The following AP3B1 variants were observed in gnomAD, a reference collection of about 807,000 sequenced individuals.
The protein encoded by AP3B1 is AP-3 complex subunit beta-1.
AP3B1 carries 61 observed loss-of-function variants against 132.5 expected under a neutral mutation model. The observed-to-expected ratio is 0.46, with a 90% CI of 0.37 to 0.57. The LOEUF (loss-of-function observed/expected upper bound fraction) is 0.57. Among genes scored for constraint, AP3B1 ranks in the 20% least tolerant of loss-of-function variants. The pLI, the probability that AP3B1 is intolerant of heterozygous loss-of-function variation, is 0.00. For synonymous variants in AP3B1, 388 were observed against 438.3 expected (o/e 0.89, Z 1.43); for missense variants, 1,120 against 1,289.4 (o/e 0.87, Z 2.01).
chr5:78,081,593 G>A (rs925938620), intron 22 of AP3B1, among the ~76,000 whole-genome samples: 2 of 151,852 alleles, frequency 1.3e-5, no homozygotes, highest in Non-Finnish European at 2.9e-5. Context: ...CACCGCACCC[G>A]GCATACTTCA....
chr5:78,293,391 C>T (rs182230023), intron 1 of AP3B1, among the ~76,000 whole-genome samples: 16 of 152,252 alleles, frequency 1.1e-4, no homozygotes, highest in African/African-American at 3.4e-4. Context: ...TACTTTTAAA[C>T]TTTTCTAACC....
intron 14 of AP3B1, among the ~76,000 whole-genome samples, chr5:78,153,591 G>T (rs768173588): frequency 2.0e-5 from 3 of 151,954 alleles, no homozygotes; most frequent in Non-Finnish European, 4.4e-5. Context: ...CTGCCATTTT[G>T]TTATTTGTTT....
At chr5:78,276,781 A>G (rs1748794735) in intron 1 of AP3B1, among the ~76,000 whole-genome samples, 1 of 152,030 alleles carries the variant, frequency 6.6e-6, no homozygotes, top group African/African-American at 2.4e-5. Flanking sequence ...AGGTAGGAGG[A>G]CCACTTGAGT....
chr5:78,002,336 A>G lies in AP3B1; in HGVS notation c.*566T>C. On this transcript the variant is annotated 3_prime_UTR_variant, in exon 27 of 27. Coordinates refer to ENST00000255194, the MANE Select transcript of AP3B1 (RefSeq NM_003664.5). ...AAATGCAAAGACAAATATGATTCATATGCTAGTTTATTTATCTTATTATTG... is the reference window on the plus strand; with the variant it reads ...AAATGCAAAGACAAATATGATTCATGTGCTAGTTTATTTATCTTATTATTG... 1 of 342,566 alleles carries G rather than the reference A, an allele frequency of 2.9e-6. No homozygotes were observed. The highest frequency in any genetic ancestry group is 5.2e-6 in the Non-Finnish European group (1 of 191,852). 21.2% of individuals were successfully genotyped at this position (342,566 alleles called of 1,614,324 possible).
chr5:78,236,420 G>C (rs1746882208), intron 3 of AP3B1, among the ~76,000 whole-genome samples: 1 of 152,172 alleles, frequency 6.6e-6, no homozygotes, highest in South Asian at 2.1e-4. Flanking sequence ...TTGATAAGGA[G>C]TCAAAAATAT....
intron 2 of AP3B1, among the ~76,000 whole-genome samples, chr5:78,265,972 CAA>C (rs1456003183): frequency 6.6e-6 from 1 of 152,118 alleles, no homozygotes; most frequent in Non-Finnish European, 1.5e-5. Context: ...TACTGGGAGA[CAA>C]AGAGGCAACA....
intron 26 of AP3B1, among the ~76,000 whole-genome samples, chr5:78,014,883 G>T (rs1746794299): frequency 6.6e-6 from 1 of 152,170 alleles, no homozygotes; most frequent in Non-Finnish European, 1.5e-5. Flanking sequence ...TATTTCAGAT[G>T]CTTGGTGATA....
At chr5:78,210,801 T>A (rs1285350162) in intron 7 of AP3B1, among the ~76,000 whole-genome samples, 1 of 152,176 alleles carries the variant, frequency 6.6e-6, no homozygotes, top group Non-Finnish European at 1.5e-5. Flanking sequence ...TTATTTTAAA[T>A]CACTCTTAAA....
chr5:78,276,072 A>ATT (rs70997979), intron 1 of AP3B1, among the ~76,000 whole-genome samples: 20 of 148,978 alleles, frequency 1.3e-4, no homozygotes, highest in South Asian at 2.1e-4. Context: ...CATAATGGTA[A>ATT]TTTTTTTTTT....
intron 6 of AP3B1, among the ~76,000 whole-genome samples, chr5:78,220,738 G>C (rs1746142579): frequency 6.6e-6 from 1 of 151,600 alleles, no homozygotes; most frequent in African/African-American, 2.4e-5. Context: ...TTTGGAAACT[G>C]TGAAATAACA....
At chr5:78,146,840 T>C (rs1753419885) in intron 14 of AP3B1, among the ~76,000 whole-genome samples, 1 of 152,144 alleles carries the variant, frequency 6.6e-6, no homozygotes, top group South Asian at 2.1e-4. Flanking sequence ...TTTCTTACTT[T>C]ACAACTGGTC....
At position 78,209,521 on chromosome 5, in the gene AP3B1, T is replaced by A. The variant is rs75398581; in HGVS notation, c.786+6534A>T. Among the ~76,000 whole-genome samples the A allele has an allele frequency of 3.7e-4, 57 of 152,316 alleles. 1 individual carries two copies. Among genetic ancestry groups the A allele is most frequent in the African/African-American group, 1.4e-3 (57 of 41,572 alleles). ...TAGAAGCCCCGTCTTCAAGTTGTCC[T>A]GCCTTTCCAGATTGAACCAATGTGC... On this transcript the variant is annotated intron_variant, in intron 7 of 26. Coordinates refer to ENST00000255194, the MANE Select transcript of AP3B1 (RefSeq NM_003664.5).
At chr5:78,028,220 T>TG (rs70997963) in intron 24 of AP3B1, among the ~76,000 whole-genome samples, 46,937 of 151,786 alleles carry the variant, frequency 0.31, 7,890 homozygotes, top group Admixed American at 0.42. Context: ...TATAGCACTT[T>TG]GGAGGCTGAG....
At chr5:78,126,320 C>T (rs1275498550) in intron 17 of AP3B1, among the ~76,000 whole-genome samples, 1 of 151,724 alleles carries the variant, frequency 6.6e-6, no homozygotes, top group Non-Finnish European at 1.5e-5. Context: ...GCCTGGCCAA[C>T]ATGGCGAAAC....
At chr5:78,082,237 A>G (rs1470119375) in intron 22 of AP3B1, among the ~76,000 whole-genome samples, 2 of 152,112 alleles carry the variant, frequency 1.3e-5, no homozygotes, top group African/African-American at 2.4e-5. Flanking sequence ...TACCCTGTCA[A>G]TCCCAATTTT....
At chr5:78,196,245 C>T (rs1467075032) in intron 7 of AP3B1, among the ~76,000 whole-genome samples, 1 of 152,132 alleles carries the variant, frequency 6.6e-6, no homozygotes, top group African/African-American at 2.4e-5. Context: ...AAAAAACATA[C>T]ACAAATGGCA....
intron 3 of AP3B1, among the ~76,000 whole-genome samples, chr5:78,230,422 T>C (rs1746596027): frequency 6.6e-6 from 1 of 152,370 alleles, no homozygotes; most frequent in South Asian, 2.1e-4. Context: ...AATCCATCTA[T>C]ACTATACGGG....
At chr5:78,117,136 C>G (rs1189446740) in intron 17 of AP3B1, among the ~76,000 whole-genome samples, 2 of 150,904 alleles carry the variant, frequency 1.3e-5, no homozygotes, top group African/African-American at 2.4e-5. Flanking sequence ...GGCCTTCACC[C>G]TAGCTCTTGG....
At chr5:78,058,890 T>G (rs1748928010) in intron 22 of AP3B1, among the ~76,000 whole-genome samples, 1 of 152,228 alleles carries the variant, frequency 6.6e-6, no homozygotes. Context: ...CCTGTTCCTC[T>G]GCAATTTGAT....
Sources: gnomAD v4.1 joint callset for allele counts (sites outside exome capture counted in the v4.1 genomes callset) on GRCh38, gnomAD v4.1.1 for gene constraint, MANE v1.5 for transcripts, NCBI Gene and HGNC (gene_info 2026-07-23, HGNC 2026-07-21) for gene names.